Variants in MAPRE2 observed in about 807,000 individuals in gnomAD.
The protein encoded by MAPRE2 is microtubule-associated protein RP/EB family member 2.
A neutral mutation model predicts 43.2 loss-of-function variants in MAPRE2; 13 were observed. The ratio of observed to expected loss-of-function variants is 0.30; its 90% CI spans 0.20 to 0.48. The LOEUF (loss-of-function observed/expected upper bound fraction) is 0.48, where lower values mean the gene tolerates loss of function less well. Among genes scored for constraint, MAPRE2 ranks in the 20% least tolerant of loss-of-function variants. MAPRE2 has a pLI of 0.99. For missense variants in MAPRE2, 161 were observed against 400.2 expected, an observed-to-expected ratio of 0.40 and a Z score of 5.10; for synonymous variants, 135 against 148.8, an observed-to-expected ratio of 0.91 and a Z score of 0.68.
At chr18:35,132,287 C>G in intron 6 of MAPRE2, 97 bp downstream of exon 6, 1 of 1,131,822 alleles carries the variant, frequency 8.8e-7, no homozygotes, top group Non-Finnish European at 1.3e-6. Context: ...CCCAGGACCT[C>G]AATGAGAATT....
intron 1 of MAPRE2, among the ~76,000 whole-genome samples, chr18:34,980,472 G>C (rs1431136986): frequency 6.6e-6 from 1 of 152,080 alleles, no homozygotes. Flanking sequence ...AGTGTCTGTA[G>C]CCCCCAAAGC....
chr18:35,005,585 C>T, intron 2 of MAPRE2: 2 of 1,366,534 alleles, frequency 1.5e-6, no homozygotes, highest in Non-Finnish European at 2.0e-6. Context: ...TTGCATGACT[C>T]CTTGCTTAAA....
intron 6 of MAPRE2, among the ~76,000 whole-genome samples, chr18:35,138,232 G>A (rs1006735438): frequency 6.6e-6 from 1 of 152,194 alleles, no homozygotes; most frequent in Non-Finnish European, 1.5e-5. Flanking sequence ...GGGGATCAGG[G>A]CTCTGAGATC....
At chr18:35,089,433 T>C (rs1908035967) in intron 2 of MAPRE2, among the ~76,000 whole-genome samples, 3 of 152,134 alleles carry the variant, frequency 2.0e-5, no homozygotes, top group African/African-American at 7.2e-5. Context: ...ATATCTAGAA[T>C]ATAGAAAGGA....
Position 35,092,413 on chromosome 18 carries a change from A to C in MAPRE2, c.251-5033A>C, listed in dbSNP as rs532483726. 5.3e-5 allele frequency among the ~76,000 whole-genome samples: 8 copies of C among 152,356 alleles called. No homozygotes were observed. The East Asian group carries it at 1.5e-3, about 29-fold the overall frequency. On this transcript the variant is annotated intron_variant, in intron 2 of 6. Transcript: ENST00000300249. ...CTAAGAAATCTGGCTATCCATGTGC[A>C]GAAGAATTAAACTAGATCCCTATCT...
At position 34,984,936 on chromosome 18, in the gene MAPRE2, A is replaced by G. The variant is rs1170215157; in HGVS notation, c.-70+7857A>G. On this transcript the variant is annotated intron_variant, in intron 1 of 7. Coordinates refer to the MAPRE2 transcript ENST00000413393. ...TAATATATAATATATTTTATGTTATATAATATATAAAATATATTATATATA... is the reference window on the plus strand; with the variant it reads ...TAATATATAATATATTTTATGTTATGTAATATATAAAATATATTATATATA... 1.7e-3 allele frequency among the ~76,000 whole-genome samples: 28 copies of G among 16,842 alleles called. 3 individuals carry two copies. The East Asian group carries it at 0.041, about 25-fold the overall frequency. The allele number at this position is 16,842 out of a possible 152,430, so 11.0% of individuals were successfully genotyped here.
chr18:35,041,774 T>G, intron 1 of MAPRE2, 113 bp downstream of exon 1: 1 of 1,557,910 alleles, frequency 6.4e-7, no homozygotes, highest in Non-Finnish European at 8.7e-7. Flanking sequence ...CAGGCATGCA[T>G]TTGTGAAGGC....
At chr18:35,002,649 A>G (rs771417861) in intron 1 of MAPRE2, among the ~76,000 whole-genome samples, 24 of 151,988 alleles carry the variant, frequency 1.6e-4, no homozygotes, top group Admixed American at 1.2e-3. Context: ...ATTTTCTTTT[A>G]TCTATAGGCT....
chr18:35,014,556 A>G (rs1380157494), intron 2 of MAPRE2, among the ~76,000 whole-genome samples: 3 of 152,046 alleles, frequency 2.0e-5, no homozygotes, highest in African/African-American at 4.8e-5. Context: ...TCTCTTTACA[A>G]TGTTGTAAGA....
intron 1 of MAPRE2, among the ~76,000 whole-genome samples, chr18:35,051,861 G>A (rs1905955153): frequency 6.6e-6 from 1 of 152,208 alleles, no homozygotes; most frequent in Non-Finnish European, 1.5e-5. Flanking sequence ...GTGCCAAACG[G>A]TGCCTGGTGC....
chr18:35,011,260 G>A (rs1470457123), intron 2 of MAPRE2, among the ~76,000 whole-genome samples: 1 of 152,180 alleles, frequency 6.6e-6, no homozygotes, highest in East Asian at 1.9e-4. Flanking sequence ...GTTTCGAGGC[G>A]TCTAATCTGA....
rs372427828 is a variant in MAPRE2 at position 34,985,338 on chromosome 18, A to T, written c.-70+8259A>T. On this transcript the variant is annotated intron_variant, in intron 1 of 7. Coordinates refer to the MAPRE2 transcript ENST00000413393. ...ATATTATATATATAATATAATATAT[A>T]ATATATTATATTATATATATAATAT... 8.2e-3 allele frequency among the ~76,000 whole-genome samples: 220 copies of T among 26,988 alleles called. 1 individual carries two copies. The highest frequency in any genetic ancestry group is 0.019 in the East Asian group (9 of 472). 17.7% of individuals were successfully genotyped at this position (26,988 alleles called of 152,430 possible). A position where few individuals can be genotyped will look rare whatever the true frequency, so the allele number is the denominator to read the frequency against.
chr18:35,100,677 C>A (rs1434808291), intron 3 of MAPRE2, among the ~76,000 whole-genome samples: 1 of 152,194 alleles, frequency 6.6e-6, no homozygotes, highest in African/African-American at 2.4e-5. Context: ...TTCATCTCCA[C>A]TCTCTAGTAA....
At chr18:35,013,816 T>C (rs999362265) in intron 2 of MAPRE2, among the ~76,000 whole-genome samples, 2 of 152,206 alleles carry the variant, frequency 1.3e-5, no homozygotes, top group Non-Finnish European at 1.5e-5. Context: ...CTTAATATAA[T>C]GACCTCCAGT....
intron 1 of MAPRE2, among the ~76,000 whole-genome samples, chr18:35,002,928 C>T (rs1352063566): frequency 1.3e-5 from 2 of 152,164 alleles, no homozygotes; most frequent in Non-Finnish European, 2.9e-5. Context: ...TTTTCCTCTT[C>T]CAGATTGTGT....
In MAPRE2 at chr18:34,995,543, C is replaced by A. The variant is rs144094864; in HGVS notation, c.-69-9949C>A. Among the ~76,000 whole-genome samples the A allele has an allele frequency of 4.4e-3, 677 of 152,268 alleles. 6 individuals carry two copies. Among genetic ancestry groups the A allele is most frequent in the South Asian group, 0.021 (101 of 4,828 alleles). On this transcript the variant is annotated intron_variant, in intron 1 of 7. Transcript: ENST00000413393. ...ACTAGTTAATCAATTAAATACATAT[C>A]ATCTTCAAAAGGGGAGAACTTCCCT... is the stretch of plus-strand genomic sequence containing the variant.
At chr18:35,115,347 G>A (rs916389904) in intron 4 of MAPRE2, among the ~76,000 whole-genome samples, 1 of 152,174 alleles carries the variant, frequency 6.6e-6, no homozygotes, top group African/African-American at 2.4e-5. Flanking sequence ...ACACTACACA[G>A]TAGCTCAGAA....
At chr18:35,109,393 T>C (rs1246046414) in intron 4 of MAPRE2, among the ~76,000 whole-genome samples, 1 of 152,242 alleles carries the variant, frequency 6.6e-6, no homozygotes, top group African/African-American at 2.4e-5. Context: ...GGTAGTGTGA[T>C]GCCTCCAGCA....
intron 4 of MAPRE2, among the ~76,000 whole-genome samples, chr18:35,117,855 G>C (rs1428180586): frequency 6.6e-6 from 1 of 152,106 alleles, no homozygotes; most frequent in Non-Finnish European, 1.5e-5. Context: ...GTAGTTTATT[G>C]AAAGAAATAG....
Sources: allele counts gnomAD v4.1 joint callset (sites outside exome capture counted in the v4.1 genomes callset), GRCh38; gene constraint gnomAD v4.1.1; transcripts MANE v1.5; gene names NCBI Gene and HGNC (gene_info 2026-07-23, HGNC 2026-07-21).